The following COL18A1 variants were observed in gnomAD, a reference collection of about 807,000 sequenced individuals.
COL18A1 encodes the protein collagen type XVIII alpha 1 chain.
In COL18A1, 133 loss-of-function variants were observed where a neutral mutation model predicts 168.0. The observed-to-expected ratio is 0.79, with a 90% CI of 0.69 to 0.91. COL18A1 has a LOEUF of 0.91. COL18A1 is among the 40% of genes least tolerant of loss of function. The pLI, the probability that COL18A1 is intolerant of heterozygous loss-of-function variation, is 0.00. For missense variants in COL18A1, 2,126 were observed against 1,925.4 expected (o/e 1.10, Z -1.95); for synonymous variants, 949 against 809.0 (o/e 1.17, Z -2.94).
intron 2 of COL18A1, among the ~76,000 whole-genome samples, chr21:45,429,137 G>C (rs946347560): frequency 2.8e-4 from 42 of 152,108 alleles, no homozygotes; most frequent in African/African-American, 8.5e-4. Flanking sequence ...TTCCGACCTT[G>C]TGATCTGCCC....
chr21:45,479,557 TCACACATGTA>T (rs56720163), intron 9 of COL18A1, among the ~76,000 whole-genome samples: 20,327 of 151,640 alleles, frequency 0.13, 1,606 homozygotes, highest in East Asian at 0.23. Context: ...CACATACATA[TCACACATGTA>T]CACACCACAC....
At chr21:45,511,675 G>A (rs1031399649) in intron 41 of COL18A1, among the ~76,000 whole-genome samples, 11 of 152,046 alleles carry the variant, frequency 7.2e-5, no homozygotes, top group African/African-American at 1.4e-4. Context: ...CCCTCCCCAC[G>A]TGAGCGCCGC....
chr21:45,405,543 C>G (rs2033069060), intron 2 of COL18A1, 70 bp downstream of exon 2: 3 of 996,908 alleles, frequency 3.0e-6, no homozygotes, highest in African/African-American at 1.7e-5. Context: ...CTGGGGTCCC[C>G]GCCCGGCTCC....
intron 2 of COL18A1, among the ~76,000 whole-genome samples, chr21:45,448,577 A>G (rs868734067): frequency 1.3e-5 from 2 of 152,368 alleles, no homozygotes; most frequent in Non-Finnish European, 2.9e-5. Flanking sequence ...ACGCTCGCTG[A>G]GGTGAGCCGC....
intron 2 of COL18A1, among the ~76,000 whole-genome samples, chr21:45,444,765 G>T (rs1332364848): frequency 6.6e-6 from 1 of 152,096 alleles, no homozygotes; most frequent in Non-Finnish European, 1.5e-5. Context: ...CAGCAAAGAT[G>T]ACTCCGTGTC....
chr21:45,434,920 T>C (rs1466961044), intron 2 of COL18A1, among the ~76,000 whole-genome samples: 1 of 152,122 alleles, frequency 6.6e-6, no homozygotes, highest in Non-Finnish European at 1.5e-5. Flanking sequence ...GTTCCTGTGA[T>C]GCTGACAGGC....
intron 2 of COL18A1, among the ~76,000 whole-genome samples, chr21:45,418,171 G>A (rs2033501661): frequency 6.6e-6 from 1 of 152,280 alleles, no homozygotes; most frequent in Non-Finnish European, 1.5e-5. Context: ...CTGACTCCGA[G>A]CTCTTTGTGG....
At chr21:45,406,421 C>T (rs1015770283) in intron 2 of COL18A1, among the ~76,000 whole-genome samples, 4 of 152,382 alleles carry the variant, frequency 2.6e-5, no homozygotes, top group African/African-American at 9.6e-5. Context: ...TTCCAATCGA[C>T]TTAGTCACCA....
In COL18A1 at chr21:45,509,472, G is replaced by A; in HGVS notation, c.3366G>A (p.Leu1122=). The change falls in exon 39 of 42, where the codon CTG becomes CTA. Residue 1122 remains leucine (L), a synonymous_variant. Transcript: ENST00000651438. ...GGCCCTGGCGGGCAGATGACATCCT[G>A]GCCAGCCCCCCTCGCCTGCCCGAGC... ...TARPWRADDI[L]ASPPRLPEPQ... is the part of the protein sequence containing the mutation. 1.3e-6 allele frequency: 2 copies of A among 1,529,898 alleles called. No individual in the cohort carries two copies. The highest frequency in any genetic ancestry group is 2.4e-5 in the East Asian group (1 of 41,282). 94.8% of individuals were successfully genotyped at this position (1,529,898 alleles called of 1,614,324 possible).
intron 14 of COL18A1, 60 bp downstream of exon 14, chr21:45,482,085 T>G: frequency 1.4e-6 from 2 of 1,390,962 alleles, no homozygotes; most frequent in Non-Finnish European, 2.0e-6. Flanking sequence ...GTGGCCCGGG[T>G]CCGGGGGTGC....
chr21:45,437,410 ACT>A (rs1286936718), intron 2 of COL18A1, among the ~76,000 whole-genome samples: 3 of 111,614 alleles, frequency 2.7e-5, no homozygotes, highest in South Asian at 3.0e-4. Flanking sequence ...ACACACTCAC[ACT>A]CAGACACACA....
rs1569287197 is a variant in COL18A1, at chr21:45,437,135, TCTCCA to T, written c.107-31105_107-31101del. Among the ~76,000 whole-genome samples the T allele has an allele frequency of 3.4e-4, 26 of 75,974 alleles. 2 individuals carry two copies. The highest frequency in any genetic ancestry group is 6.2e-4 in the African/African-American group (7 of 11,260). The allele number at this position is 75,974 out of a possible 152,430, so 49.8% of individuals were successfully genotyped here. ...CACTCACACACAGACACACAGGCACTCTCCACACACACTCACACTCAGACACAGGC... is the reference window on the plus strand; with the variant it reads ...CACTCACACACAGACACACAGGCACTCACACACTCACACTCAGACACAGGC... On this transcript the variant is annotated intron_variant, in intron 2 of 41. Transcript: ENST00000651438.
At chr21:45,436,844 C>G (rs1397341396) in intron 2 of COL18A1, among the ~76,000 whole-genome samples, 3 of 115,748 alleles carry the variant, frequency 2.6e-5, no homozygotes, top group Non-Finnish European at 5.2e-5. Context: ...AGTGCCGTGC[C>G]TGGGGGTCTG....
In COL18A1 at chr21:45,490,881, C is replaced by T. The variant is rs2036314046; in HGVS notation, c.2067+10C>T. On this transcript the variant is annotated intron_variant, in intron 21 of 41. Transcript: ENST00000651438. ...CAGCCGGGGAGAAAAGGTGAGTGTCCCTGGGGCGGGTGGATGGGGATGGGG... is the reference window on the plus strand; with the variant it reads ...CAGCCGGGGAGAAAAGGTGAGTGTCTCTGGGGCGGGTGGATGGGGATGGGG... The T allele has an allele frequency of 1.3e-6, 2 of 1,549,644 alleles. No homozygotes were observed. The highest frequency in any genetic ancestry group is 4.9e-5 in the East Asian group (2 of 40,902).
At position 45,463,670 on chromosome 21, in the gene COL18A1, T is replaced by C. The variant is rs2035111054; in HGVS notation, c.107-4572T>C. On this transcript the variant is annotated intron_variant, in intron 2 of 41. Transcript: ENST00000651438. The surrounding 1 kb of genome is among the most constrained non-coding windows in gnomAD (Gnocchi z 4.0). ...CCCAGCACTTTGGGATGCCGAGGCA[T>C]GCGGATCGCCTGAGGTCGGGAGTTG... 1.3e-5 allele frequency among the ~76,000 whole-genome samples: 2 copies of C among 152,118 alleles called. No individual in the cohort carries two copies. Among genetic ancestry groups the C allele is most frequent in the African/African-American group, 2.4e-5 (1 of 41,430 alleles).
chr21:45,473,967 G>A lies in COL18A1; in HGVS notation c.724G>A (p.Asp242Asn), dbSNP rs1367224866. Residue 242 changes from aspartate (D) to asparagine (N), a missense_variant, in exon 4 of 42, where the codon GAT (aspartate) becomes AAT (asparagine). Transcript: ENST00000651438. The surrounding 1 kb of genome is among the most constrained non-coding windows in gnomAD (Gnocchi z 4.0). The stretch of plus-strand genomic sequence containing the variant: ...CATGCACTGCCTGGACGAGGAAGGC[G>A]ATGACTCAGATGGGGTGAGTGACAT... Reference protein sequence around the residue: ...SPMHCLDEEGDDSDGASGDSG... With the variant: ...SPMHCLDEEGNDSDGASGDSG... 36 of 1,596,056 alleles carry A rather than the reference G, an allele frequency of 2.3e-5. No individual in the cohort carries two copies. The highest frequency in any genetic ancestry group is 4.0e-5 in the African/African-American group (3 of 74,482).
chr21:45,493,573 A>G lies in COL18A1; in HGVS notation c.2350A>G (p.Lys784Glu). 1 of 1,551,988 alleles carries G rather than the reference A, an allele frequency of 6.4e-7. No individual in the cohort carries two copies. The highest frequency in any genetic ancestry group is 8.7e-7 in the Non-Finnish European group (1 of 1,147,934). ...CCTGGGCCCTGCCCAGAAAGGAGCC[A>G]AGGTGAGGGCCGGGCAGCCTCCTTC... ...GALGPAQKGA[K>E]GEPGFRGPPG... The change falls in exon 26 of 42, where the codon AAG (lysine) becomes GAG (glutamate). Residue 784 changes from lysine (K) to glutamate (E), a missense_variant and splice_region_variant. Lys to Glu is a moderately conservative substitution (Grantham distance 56, BLOSUM62 1). Coordinates refer to ENST00000651438, the MANE Select transcript of COL18A1 (RefSeq NM_001379500.1).
chr21:45,429,974 C>G (rs747618735), intron 2 of COL18A1, among the ~76,000 whole-genome samples: 11 of 151,362 alleles, frequency 7.3e-5, no homozygotes, highest in Non-Finnish European at 1.2e-4. Context: ...CCCTCTCGTC[C>G]TCTCCTGCAT....
intron 24 of COL18A1, among the ~76,000 whole-genome samples, 164 bp from the exon 25 acceptor site, chr21:45,492,999 C>A (rs369202208): frequency 6.6e-6 from 1 of 151,800 alleles, no homozygotes; most frequent in Non-Finnish European, 1.5e-5. Context: ...GGGTCACCTG[C>A]GGAGGCCTGC....
Sources: allele counts gnomAD v4.1 joint callset (sites outside exome capture counted in the v4.1 genomes callset), GRCh38; gene constraint gnomAD v4.1.1; non-coding constraint Gnocchi (gnomAD v3.1); transcripts MANE v1.5; gene names NCBI Gene and HGNC (gene_info 2026-07-23, HGNC 2026-07-21).